ACTR3C: variants seen among roughly 807,000 people sequenced by gnomAD.
ACTR3C encodes actin related protein 3C, also known as actin-related protein 3C.
Under a neutral mutation model 26.3 loss-of-function variants are expected in ACTR3C, and 18 were observed. The ratio of observed to expected loss-of-function variants is 0.68; its 90% CI spans 0.47 to 1.01. The LOEUF is 1.01. Among genes scored for constraint, ACTR3C ranks in the 50% least tolerant of loss-of-function variants. The pLI is 0.00. For synonymous variants in ACTR3C, 55 were observed against 94.5 expected, an observed-to-expected ratio of 0.58 and a Z score of 2.42; for missense variants, 184 against 250.7, an observed-to-expected ratio of 0.73 and a Z score of 1.80.
At chr7:150,068,181 A>G in the ACTR3C span, among the ~76,000 whole-genome samples, 1 of 152,356 alleles carries the variant, frequency 6.6e-6, no homozygotes, top group East Asian at 1.9e-4. Flanking sequence ...ATAAACTAGT[A>G]ACATTTTACT....
the ACTR3C span, among the ~76,000 whole-genome samples, chr7:149,927,896 T>G: frequency 6.6e-6 from 1 of 152,192 alleles, no homozygotes; most frequent in Non-Finnish European, 1.5e-5. Flanking sequence ...TCTATTCTTT[T>G]CTTTATAAAT....
At chr7:150,192,776 C>CTTT in the ACTR3C span, among the ~76,000 whole-genome samples, 2 of 152,210 alleles carry the variant, frequency 1.3e-5, no homozygotes, top group African/African-American at 4.8e-5. Context: ...CATGGTGAAC[C>CTTT]TTTTGTCCTT....
At chr7:150,012,234 T>C in the ACTR3C span, among the ~76,000 whole-genome samples, 1 of 151,922 alleles carries the variant, frequency 6.6e-6, no homozygotes, top group Admixed American at 6.6e-5. Flanking sequence ...CCTTTCTTAC[T>C]CTAGGGATAA....
chr7:150,058,241 C>T, the ACTR3C span, among the ~76,000 whole-genome samples: 4 of 152,244 alleles, frequency 2.6e-5, no homozygotes, highest in Admixed American at 2.0e-4. Flanking sequence ...TGGATAAGAC[C>T]GGAAGGTTTT....
chr7:150,278,993 C>T (rs1175855468), intron 6 of ACTR3C, among the ~76,000 whole-genome samples: 1 of 152,184 alleles, frequency 6.6e-6, no homozygotes, highest in Admixed American at 6.5e-5. Flanking sequence ...GGTATTTAAA[C>T]ATACTCTTAA....
chr7:150,293,710 C>A (rs1278729164), intron 2 of ACTR3C, among the ~76,000 whole-genome samples: 1 of 152,206 alleles, frequency 6.6e-6, no homozygotes, highest in Non-Finnish European at 1.5e-5. Context: ...CCAAGGTAGG[C>A]AGATCACTTG....
the ACTR3C span, among the ~76,000 whole-genome samples, chr7:149,922,128 T>C: frequency 7.1e-6 from 1 of 140,834 alleles, no homozygotes; most frequent in African/African-American, 2.5e-5. Flanking sequence ...TGTGTAGTCC[T>C]CTGGTTGTTT....
the ACTR3C span, among the ~76,000 whole-genome samples, chr7:150,029,412 A>AAC: frequency 8.1e-5 from 8 of 98,420 alleles, 1 homozygote; most frequent in East Asian, 5.1e-4. Context: ...ACAAAAAAAA[A>AAC]AAAAACAAAC....
chr7:149,992,848 C>A, the ACTR3C span, among the ~76,000 whole-genome samples: 2 of 152,182 alleles, frequency 1.3e-5, no homozygotes, highest in East Asian at 3.9e-4. Flanking sequence ...AAGAGAGAAG[C>A]CGGTAGTGGC....
chr7:150,134,318 AGG>A, the ACTR3C span, among the ~76,000 whole-genome samples: 1 of 151,866 alleles, frequency 6.6e-6, no homozygotes, highest in African/African-American at 2.4e-5. Flanking sequence ...GAACGGGAGA[AGG>A]GGCCAAGGTG....
the ACTR3C span, among the ~76,000 whole-genome samples, chr7:150,156,489 T>C: frequency 1.3e-5 from 2 of 151,956 alleles, no homozygotes; most frequent in Non-Finnish European, 2.9e-5. Flanking sequence ...TTGAGTATCT[T>C]AGCAAGAACT....
At chr7:150,185,702 A>G in the ACTR3C span, among the ~76,000 whole-genome samples, 1,126 of 151,456 alleles carry the variant, frequency 7.4e-3, 12 homozygotes, top group African/African-American at 0.026. Flanking sequence ...CTCTCTCCTA[A>G]GATGAGCAGA....
At chr7:150,180,709 C>CG in the ACTR3C span, among the ~76,000 whole-genome samples, 1 of 149,178 alleles carries the variant, frequency 6.7e-6, no homozygotes, top group Non-Finnish European at 1.5e-5. Flanking sequence ...GACGGGGTTT[C>CG]ACGTGTTAGC....
the ACTR3C span, among the ~76,000 whole-genome samples, chr7:150,222,966 A>G: frequency 6.6e-6 from 1 of 152,212 alleles, no homozygotes; most frequent in Non-Finnish European, 1.5e-5. Flanking sequence ...TCCTTTTTTA[A>G]AAAAATTGTG....
chr7:150,183,687 T>C, the ACTR3C span, among the ~76,000 whole-genome samples: 1 of 110,692 alleles, frequency 9.0e-6, no homozygotes, highest in Admixed American at 1.1e-4. Flanking sequence ...AAGTTACAGG[T>C]GGCTATGGCA....
At chr7:150,045,072 TA>T in the ACTR3C span, 1 of 152,262 alleles carries the variant, frequency 6.6e-6, no homozygotes, top group Non-Finnish European at 1.5e-5. Flanking sequence ...AGACACGTAA[TA>T]AAATGCAATG....
the ACTR3C span, among the ~76,000 whole-genome samples, chr7:150,011,271 G>A: frequency 6.6e-6 from 1 of 151,872 alleles, no homozygotes; most frequent in Admixed American, 6.6e-5. Flanking sequence ...TTCATCAAAG[G>A]TCTATATTTT....
the ACTR3C span, among the ~76,000 whole-genome samples, chr7:150,077,072 G>A: frequency 1.1e-3 from 169 of 152,226 alleles, 1 homozygote; most frequent in African/African-American, 3.9e-3. Flanking sequence ...GGCTGAGGCA[G>A]GAGAATCACT....
At chr7:150,169,297 G>A in the ACTR3C span, among the ~76,000 whole-genome samples, 1 of 148,830 alleles carries the variant, frequency 6.7e-6, no homozygotes, top group African/African-American at 2.6e-5. Flanking sequence ...GCAGGAGAAT[G>A]GCATGAACCC....
Sources: allele counts gnomAD v4.1 joint callset (sites outside exome capture counted in the v4.1 genomes callset), GRCh38; gene constraint gnomAD v4.1.1; transcripts MANE v1.5; gene names NCBI Gene and HGNC (gene_info 2026-07-23, HGNC 2026-07-21).